PCDHGB3: variants seen among roughly 807,000 people sequenced by gnomAD.
The protein encoded by PCDHGB3 is protocadherin gamma subfamily B, 3.
PCDHGB3 carries 40 observed loss-of-function variants against 59.2 expected under a neutral mutation model. The ratio of observed to expected loss-of-function variants is 0.68; its 90% CI spans 0.52 to 0.88. The LOEUF is 0.88. Among genes scored for constraint, PCDHGB3 ranks in the 40% least tolerant of loss-of-function variants. PCDHGB3 has a pLI of 0.00. For missense variants in PCDHGB3, 1,309 were observed against 1,187.9 expected (o/e 1.10, Z -1.50); for synonymous variants, 581 against 503.6 (o/e 1.15, Z -2.06).
At chr5:141,415,083 G>A (rs747351388) in intron 1 of PCDHGB3, 4 of 1,613,514 alleles carry the variant, frequency 2.5e-6, no homozygotes, top group Non-Finnish European at 3.4e-6. Context: ...CGCGAGCCCT[G>A]CTGGACAGAG....
In PCDHGB3 at chr5:141,431,048, A is replaced by T; in HGVS notation, c.2415+58239A>T. On this transcript the variant is annotated intron_variant, in intron 1 of 3. Transcript: ENST00000576222. This position sits in a 1 kb window ranked among gnomAD's most constrained non-coding sequence, Gnocchi z 4.8. ...CAGGATAGACCGGGAGGAGCTCTGT[A>T]TGGGGGCCATCAAGTGTCAATTAAA... 6.2e-7 allele frequency: 1 copy of T among 1,614,180 alleles called. No homozygotes were observed. The highest frequency in any genetic ancestry group is 1.1e-5 in the South Asian group (1 of 91,088).
chr5:141,384,221 A>G, intron 1 of PCDHGB3: 1 of 1,613,936 alleles, frequency 6.2e-7, no homozygotes, highest in Non-Finnish European at 8.5e-7. Flanking sequence ...ATATTCATGC[A>G]GGTGGCAGAC....
intron 1 of PCDHGB3, among the ~76,000 whole-genome samples, chr5:141,452,689 C>G (rs1198702467): frequency 6.6e-6 from 1 of 151,562 alleles, no homozygotes; most frequent in Non-Finnish European, 1.5e-5. Context: ...AGAATGAAAC[C>G]CTGTCAAGAA....
intron 1 of PCDHGB3, chr5:141,420,309 A>G (rs1263620304): frequency 2.7e-6 from 4 of 1,460,536 alleles, no homozygotes; most frequent in Non-Finnish European, 3.7e-6. Context: ...TCCTTTTTAT[A>G]TTACAATATG....
At chr5:141,387,782 A>C in intron 1 of PCDHGB3, 2 of 1,466,298 alleles carry the variant, frequency 1.4e-6, no homozygotes, top group Non-Finnish European at 1.8e-6. Context: ...TTGAACTGGA[A>C]CTGCAACTAA....
chr5:141,465,019 G>T (rs533151051), intron 1 of PCDHGB3, among the ~76,000 whole-genome samples: 1 of 151,978 alleles, frequency 6.6e-6, no homozygotes, highest in Non-Finnish European at 1.5e-5. Context: ...TAAGATTACA[G>T]CCATGAACCA....
At chr5:141,509,953 G>A (rs987910496) in intron 3 of PCDHGB3, among the ~76,000 whole-genome samples, 4 of 152,282 alleles carry the variant, frequency 2.6e-5, no homozygotes, top group Non-Finnish European at 4.4e-5. Context: ...AAATGCTACC[G>A]GGTATGGCCT....
chr5:141,430,809 G>A (rs949727881), intron 1 of PCDHGB3: 5 of 1,527,014 alleles, frequency 3.3e-6, no homozygotes, highest in Non-Finnish European at 4.4e-6. Context: ...GTCCTGCTGG[G>A]AATCCTCCTG....
At chr5:141,395,517 T>G in intron 1 of PCDHGB3, 2 of 415,414 alleles carry the variant, frequency 4.8e-6, no homozygotes, top group Non-Finnish European at 4.3e-6. Context: ...TAGCTACCCG[T>G]CCATACTGGT....
intron 1 of PCDHGB3, chr5:141,421,421 T>A (rs982627903): frequency 6.2e-7 from 1 of 1,613,876 alleles, no homozygotes; most frequent in Non-Finnish European, 8.5e-7. Flanking sequence ...AAGCGCGGAG[T>A]CCGCATCGTC....
intron 1 of PCDHGB3, chr5:141,388,600 C>G (rs1561620181): frequency 6.2e-7 from 1 of 1,613,856 alleles, no homozygotes; most frequent in Non-Finnish European, 8.5e-7. Context: ...AATGATAATG[C>G]TCCAGTGTTC....
At position 141,432,185 on chromosome 5, in the gene PCDHGB3, G is replaced by A. The variant is rs376661062; in HGVS notation, c.2415+59376G>A. 8.1e-6 allele frequency: 13 copies of A among 1,613,956 alleles called. No individual in the cohort carries two copies. The African/African-American group carries it at 1.3e-4, about 17-fold the overall frequency. On this transcript the variant is annotated intron_variant, in intron 1 of 3. Transcript: ENST00000576222. This position sits in a 1 kb window ranked among gnomAD's most constrained non-coding sequence, Gnocchi z 6.0. ...AGGAGTTTCCCTCGTCTCTGTGACC[G>A]CCCACGACCCCGACTGTGAAGAGAA...
intron 1 of PCDHGB3, chr5:141,398,274 C>G (rs1323516270): frequency 7.1e-7 from 1 of 1,416,776 alleles, no homozygotes; most frequent in African/African-American, 1.5e-5. Context: ...TAGTGGGGAA[C>G]CTCGCCACGG....
intron 1 of PCDHGB3, chr5:141,424,630 A>G (rs1440031596): frequency 1.3e-5 from 2 of 152,366 alleles, no homozygotes; most frequent in East Asian, 3.9e-4. Flanking sequence ...TTGTGAATAT[A>G]TAAATAGATT....
chr5:141,502,866 CTTTT>C (rs549047197), intron 2 of PCDHGB3, among the ~76,000 whole-genome samples: 1 of 128,042 alleles, frequency 7.8e-6, no homozygotes. Context: ...GACTCTCTGT[CTTTT>C]TTTTTTTTTT....
At position 141,487,547 on chromosome 5, in the gene PCDHGB3, A is replaced by G. The variant is rs2099649592; in HGVS notation, c.2416-7260A>G. On this transcript the variant is annotated intron_variant, in intron 1 of 3. Coordinates refer to ENST00000576222, the MANE Select transcript of PCDHGB3 (RefSeq NM_018924.5). The surrounding 1 kb of genome is among the most constrained non-coding windows in gnomAD (Gnocchi z 5.0). ...TAGCTTCATGATGGTGAAGTCACCC[A>G]GTGCACCTATGGCAGGGGAGCCTGT... 2 of 1,614,216 alleles carry G rather than the reference A, an allele frequency of 1.2e-6. No individual in the cohort carries two copies. Among genetic ancestry groups the G allele is most frequent in the Non-Finnish European group, 8.5e-7 (1 of 1,180,046 alleles).
chr5:141,389,293 C>T, intron 1 of PCDHGB3: 3 of 1,614,036 alleles, frequency 1.9e-6, no homozygotes, highest in Non-Finnish European at 2.5e-6. Context: ...GCCTCTATTT[C>T]ACAAGTCAGG....
chr5:141,507,012 G>A (rs2099857902), intron 3 of PCDHGB3: 1 of 152,208 alleles, frequency 6.6e-6, no homozygotes, highest in Admixed American at 6.5e-5. Flanking sequence ...AGAGAACCGA[G>A]AAGGCACTTG....
chr5:141,494,643 AG>A, intron 1 of PCDHGB3, 163 bp from the exon 2 acceptor site: 1 of 928,048 alleles, frequency 1.1e-6, no homozygotes, highest in Non-Finnish European at 1.3e-6. Flanking sequence ...CTGAGACCTG[AG>A]GTGTATTTTG....
Sources: gnomAD v4.1 joint callset for allele counts (sites outside exome capture counted in the v4.1 genomes callset) on GRCh38, gnomAD v4.1.1 for gene constraint, Gnocchi (gnomAD v3.1) non-coding constraint, MANE v1.5 for transcripts, NCBI Gene and HGNC (gene_info 2026-07-23, HGNC 2026-07-21) for gene names.